The following LASP1 variants were observed in gnomAD, a reference collection of about 807,000 sequenced individuals.
LASP1 encodes the protein LIM and SH3 domain protein 1.
LASP1 carries 10 observed loss-of-function variants against 38.6 expected under a neutral mutation model. That is an observed-to-expected ratio of 0.26 (90% CI 0.16 to 0.44). The LOEUF is 0.44. LASP1 is among the 20% of genes least tolerant of loss of function. The pLI is 1.00. For synonymous variants in LASP1, 132 were observed against 140.8 expected (o/e 0.94, Z 0.44); for missense variants, 243 against 375.7 (o/e 0.65, Z 2.92).
rs1034043799 is a variant in LASP1, at chr17:38,918,733, C to T, written c.741C>T (p.Thr247=). Residue 247 remains threonine, a synonymous_variant, in exon 7 of 7, where the codon ACC becomes ACT. Coordinates refer to ENST00000318008, the MANE Select transcript of LASP1 (RefSeq NM_006148.4). The surrounding 1 kb of genome is among the most constrained non-coding windows in gnomAD (Gnocchi z 4.4). The part of the protein sequence containing the change: ...DGWMYGTVER[T]GDTGMLPANY... ...GGATGTACGGGACGGTGGAGCGCAC[C>T]GGCGACACGGGGATGCTGCCGGCCA... The T allele has an allele frequency of 5.0e-6, 8 of 1,614,114 alleles. No homozygotes were observed. Among genetic ancestry groups the T allele is most frequent in the South Asian group, 1.1e-5 (1 of 91,074 alleles).
intron 2 of LASP1, among the ~76,000 whole-genome samples, chr17:38,878,485 G>A (rs1913846859): frequency 6.6e-6 from 1 of 152,214 alleles, no homozygotes; most frequent in Non-Finnish European, 1.5e-5. Flanking sequence ...ATTTCGGGCA[G>A]TAAGGCGAGC....
chr17:38,891,226 G>C (rs953080148), intron 3 of LASP1, among the ~76,000 whole-genome samples: 5 of 152,082 alleles, frequency 3.3e-5, no homozygotes, highest in African/African-American at 9.7e-5. Context: ...GGCTTCAGCC[G>C]ATGAAGGATT....
chr17:38,875,995 C>A (rs1913759191), intron 1 of LASP1, among the ~76,000 whole-genome samples: 1 of 152,062 alleles, frequency 6.6e-6, no homozygotes, highest in Non-Finnish European at 1.5e-5. Flanking sequence ...ACTCAGGTGG[C>A]CTGGATTATT....
chr17:38,896,805 G>A (rs1914503067), intron 3 of LASP1: 1 of 527,454 alleles, frequency 1.9e-6, no homozygotes, highest in Non-Finnish European at 2.4e-6. Flanking sequence ...GACTGAGCCT[G>A]CGTTAGTGCT....
rs1224071922 is a variant in LASP1, at chr17:38,914,456, C to T, written c.489C>T (p.His163=). The T allele has an allele frequency of 1.0e-5, 16 of 1,607,716 alleles. No individual in the cohort carries two copies. The highest frequency in any genetic ancestry group is 1.3e-5 in the African/African-American group (1 of 74,806). The change falls in exon 5 of 7, where the codon CAC becomes CAT. Residue 163 remains histidine (H), a synonymous_variant. Transcript: ENST00000318008. ...RRPLEQQQPH[H]IPTSAPVYQQ... ...CCCTGGAGCAGCAGCAGCCTCACCACATCCCGACCAGTGCCCCGGGTGAGT... is the reference window on the plus strand; with the variant it reads ...CCCTGGAGCAGCAGCAGCCTCACCATATCCCGACCAGTGCCCCGGGTGAGT...
At chr17:38,908,499 C>T (rs1350227225) in intron 4 of LASP1, among the ~76,000 whole-genome samples, 3 of 152,202 alleles carry the variant, frequency 2.0e-5, no homozygotes, top group Admixed American at 6.5e-5. Flanking sequence ...CCCCTCCCAG[C>T]GGATGCTGGG....
intron 2 of LASP1, among the ~76,000 whole-genome samples, chr17:38,886,042 C>T (rs543211779): frequency 4.6e-5 from 7 of 152,052 alleles, no homozygotes; most frequent in Non-Finnish European, 8.8e-5. Flanking sequence ...TAGTTGAGGA[C>T]CCCCTTGCTG....
At position 38,876,997 on chromosome 17, in the gene LASP1, C is replaced by T. The variant is rs919289283; in HGVS notation, c.70-1089C>T. Among the ~76,000 whole-genome samples, 6 of 152,148 alleles carry T rather than the reference C, an allele frequency of 3.9e-5. No homozygotes were observed. The South Asian group carries it at 6.2e-4, about 16-fold the overall frequency. On this transcript the variant is annotated intron_variant, in intron 1 of 6. Transcript: ENST00000318008. ...GATTACAGGCGTGAGCCACCGTGCC[C>T]GGCCGTGTCCCACATTCTCACACGC...
intron 4 of LASP1, among the ~76,000 whole-genome samples, chr17:38,901,462 G>A (rs1412230950): frequency 1.3e-5 from 2 of 152,182 alleles, no homozygotes; most frequent in Non-Finnish European, 2.9e-5. Context: ...TGCAAAGCCT[G>A]GAGACTCTTG....
Position 38,918,809 on chromosome 17 carries a change from A to T in LASP1, c.*31A>T. The T allele has an allele frequency of 2.5e-6, 4 of 1,608,920 alleles. No homozygotes were observed. The highest frequency in any genetic ancestry group is 3.4e-6 in the Non-Finnish European group (4 of 1,177,512). On this transcript the variant is annotated 3_prime_UTR_variant, in exon 7 of 7. Coordinates refer to ENST00000318008, the MANE Select transcript of LASP1 (RefSeq NM_006148.4). This position sits in a 1 kb window ranked among gnomAD's most constrained non-coding sequence, Gnocchi z 4.4. ...CAGCGCCCCCATCTGTCTTCAGCAC[A>T]TTCCACGGCATCGCATCCGTCCTGG...
chr17:38,885,341 A>G (rs1285255685), intron 2 of LASP1, among the ~76,000 whole-genome samples: 1 of 152,188 alleles, frequency 6.6e-6, no homozygotes, highest in East Asian at 1.9e-4. Context: ...CACAGGACTC[A>G]GTGTGCCAAG....
chr17:38,916,269 A>C (rs1915121743), intron 6 of LASP1: 1 of 152,478 alleles, frequency 6.6e-6, no homozygotes, highest in African/African-American at 2.4e-5. Flanking sequence ...CAGCTGGATT[A>C]AGACATTTGG....
intron 1 of LASP1, among the ~76,000 whole-genome samples, chr17:38,877,179 A>AG (rs1913806666): frequency 6.6e-6 from 1 of 152,182 alleles, no homozygotes; most frequent in Non-Finnish European, 1.5e-5. Context: ...TGCTGTGCTG[A>AG]GGGCTTTGAA....
intron 4 of LASP1, among the ~76,000 whole-genome samples, chr17:38,903,058 C>T (rs1446016634): frequency 6.6e-6 from 1 of 152,188 alleles, no homozygotes; most frequent in African/African-American, 2.4e-5. Context: ...GGATATGCTT[C>T]CTTGGAGGGA....
intron 4 of LASP1, among the ~76,000 whole-genome samples, chr17:38,903,279 TGTAAAAATGGGACA>T (rs1914694013): frequency 6.6e-6 from 1 of 152,206 alleles, no homozygotes; most frequent in Admixed American, 6.5e-5. Flanking sequence ...TTTCCTCATT[TGTAAAAATGGGACA>T]GTAGGCCCTA....
Position 38,890,462 on chromosome 17 carries a change from G to A in LASP1, c.207G>A (p.Pro69=), listed in dbSNP as rs771497225. The A allele has an allele frequency of 3.5e-5, 56 of 1,613,908 alleles. No homozygotes were observed. Among genetic ancestry groups the A allele is most frequent in the Middle Eastern group, 1.6e-4 (1 of 6,084 alleles). ...CCTTCACCATGGTGGCGGACACCCC[G>A]GAAAACCTTCGCCTCAAGCAACAGA... The part of the protein sequence containing the change: ...KQSFTMVADT[P]ENLRLKQQSE... Residue 69 remains proline, a synonymous_variant, in exon 3 of 7, where the codon CCG becomes CCA. Coordinates refer to ENST00000318008, the MANE Select transcript of LASP1 (RefSeq NM_006148.4).
chr17:38,877,088 A>C (rs1183543859), intron 1 of LASP1, among the ~76,000 whole-genome samples: 2 of 152,198 alleles, frequency 1.3e-5, no homozygotes, highest in Non-Finnish European at 1.5e-5. Flanking sequence ...CACAATCTCC[A>C]GTGTGAGCCC....
intron 3 of LASP1, among the ~76,000 whole-genome samples, chr17:38,892,879 G>A (rs1376302330): frequency 5.9e-5 from 9 of 152,118 alleles, no homozygotes; most frequent in Admixed American, 3.3e-4. Flanking sequence ...CTGGGTTCCC[G>A]GGGGGGCCTC....
At chr17:38,880,774 G>A (rs757781479) in intron 2 of LASP1, among the ~76,000 whole-genome samples, 10 of 152,220 alleles carry the variant, frequency 6.6e-5, no homozygotes, top group Non-Finnish European at 1.3e-4. Context: ...AGTGCTCTCT[G>A]GACGTGTCTG....
Sources: gnomAD v4.1 joint callset for allele counts (sites outside exome capture counted in the v4.1 genomes callset) on GRCh38, gnomAD v4.1.1 for gene constraint, Gnocchi (gnomAD v3.1) non-coding constraint, MANE v1.5 for transcripts, NCBI Gene and HGNC (gene_info 2026-07-23, HGNC 2026-07-21) for gene names.